Variants in NPEPPS observed in about 807,000 individuals in gnomAD.
NPEPPS encodes aminopeptidase puromycin sensitive.
NPEPPS carries 14 observed loss-of-function variants against 115.5 expected under a neutral mutation model. The observed-to-expected ratio is 0.12, with a 90% CI of 0.08 to 0.19. The LOEUF (loss-of-function observed/expected upper bound fraction) is 0.19, where lower values mean the gene tolerates loss of function less well. Ranked by LOEUF, NPEPPS falls within the 10% of genes least tolerant of loss-of-function variation. The probability of loss-of-function intolerance (pLI) is 1.00; values close to 1 mark genes in which losing one functional copy is unlikely to be tolerated. For missense variants in NPEPPS, 523 were observed against 1,110.8 expected (o/e 0.47, Z 7.52); for synonymous variants, 285 against 390.6 (o/e 0.73, Z 3.19).
chr17:47,584,376 T>C (rs892119133), intron 5 of NPEPPS, among the ~76,000 whole-genome samples: 5 of 152,210 alleles, frequency 3.3e-5, no homozygotes, highest in East Asian at 1.9e-4. Context: ...ACCAGTGTTA[T>C]TGATCTCATT....
intron 2 of NPEPPS, among the ~76,000 whole-genome samples, chr17:47,564,787 C>CTT (rs1438275361): frequency 6.6e-6 from 1 of 151,946 alleles, no homozygotes; most frequent in East Asian, 1.9e-4. Flanking sequence ...TTTGAACAAT[C>CTT]TAACAGTTCC....
chr17:47,544,806 G>A (rs2143708009), intron 1 of NPEPPS, among the ~76,000 whole-genome samples: 1 of 139,560 alleles, frequency 7.2e-6, no homozygotes, highest in South Asian at 2.3e-4. Flanking sequence ...CTCACCTCCT[G>A]GGTTCAAGTG....
At chr17:47,569,701 T>C (rs8082284) in intron 3 of NPEPPS, among the ~76,000 whole-genome samples, 68,037 of 150,788 alleles carry the variant, frequency 0.45, 16,258 homozygotes, top group East Asian at 0.56. Flanking sequence ...CACTACAACC[T>C]CCACCTTCCA....
intron 17 of NPEPPS, among the ~76,000 whole-genome samples, 182 bp from the exon 18 acceptor site, chr17:47,612,278 T>C (rs1264505881): frequency 6.6e-6 from 1 of 152,250 alleles, no homozygotes. Context: ...CTAGTCTGTT[T>C]AGCATATCAC....
At chr17:47,612,985 A>T (rs12943464) in intron 18 of NPEPPS, among the ~76,000 whole-genome samples, 69,332 of 151,786 alleles carry the variant, frequency 0.46, 16,707 homozygotes, top group South Asian at 0.56. Context: ...AGCCTGGAAC[A>T]TTTTTTAATA....
Position 47,567,694 on chromosome 17 carries a change from A to G in NPEPPS, c.341-1723A>G, listed in dbSNP as rs538288298. On this transcript the variant is annotated intron_variant, in intron 2 of 22. Coordinates refer to ENST00000322157, the MANE Select transcript of NPEPPS (RefSeq NM_006310.4). ...ACTCCAGAAAGAAAGTACCCTGCCT[A>G]TTTCCCCTCTATCACCTAGCCCCAG... Among the ~76,000 whole-genome samples, 20 of 152,054 alleles carry G rather than the reference A, an allele frequency of 1.3e-4. No individual in the cohort carries two copies. In the East Asian group the frequency reaches 2.9e-3, roughly 22 times the overall value.
intron 4 of NPEPPS, 45 bp downstream of exon 4, chr17:47,579,556 C>G: frequency 6.5e-7 from 1 of 1,536,072 alleles, no homozygotes; most frequent in Non-Finnish European, 8.8e-7. Context: ...TTAAATTAGG[C>G]ATTCTGACAA....
chr17:47,556,009 A>G (rs1384995495), intron 2 of NPEPPS, among the ~76,000 whole-genome samples: 2 of 129,434 alleles, frequency 1.5e-5, no homozygotes, highest in African/African-American at 5.9e-5. Context: ...TTTTTGAAAT[A>G]GAGTCTTGTG....
rs201468395 is a variant in NPEPPS at position 47,563,034 on chromosome 17, G to GTT, written c.341-6380_341-6379dup. 1.4e-4 allele frequency among the ~76,000 whole-genome samples: 20 copies of GTT among 143,956 alleles called. 1 individual carries two copies. Among genetic ancestry groups the GTT allele is most frequent in the Non-Finnish European group, 2.6e-4 (17 of 65,394 alleles). The allele number at this position is 143,956 out of a possible 152,430, so 94.4% of individuals were successfully genotyped here. ...GCCATGGTTTTTTTGTTGTTTGTTT[G>GTT]TTTTGTTTTTTTTTTGAGATGGAGT... On this transcript the variant is annotated intron_variant, in intron 2 of 22. Coordinates refer to ENST00000322157, the MANE Select transcript of NPEPPS (RefSeq NM_006310.4).
At chr17:47,618,062 G>A (rs529496234) in intron 19 of NPEPPS, among the ~76,000 whole-genome samples, 5 of 150,024 alleles carry the variant, frequency 3.3e-5, no homozygotes, top group Non-Finnish European at 5.9e-5. Context: ...TGTATTTTTA[G>A]TAGAAACAGG....
chr17:47,531,485 A>G lies in NPEPPS; in HGVS notation c.185A>G (p.Asn62Ser), dbSNP rs762187418. 5.6e-6 allele frequency: 9 copies of G among 1,608,278 alleles called. No homozygotes were observed. The highest frequency in any genetic ancestry group is 1.7e-5 in the Admixed American group (1 of 59,642). The change falls in exon 1 of 23, where the codon AAC (asparagine) becomes AGC (serine). Residue 62 changes from asparagine to serine, a missense_variant. By Grantham distance (46) the Asn-to-Ser change is conservative (BLOSUM62 1). Transcript: ENST00000322157. ...ERLPADVSPI[N>S]YSLCLKPDLL... ...CTGCCTGCCGATGTCTCCCCCATCA[A>G]CTACAGCCTTTGCCTCAAGCCCGAC...
At chr17:47,536,569 G>GTA (rs1567834208) in intron 1 of NPEPPS, among the ~76,000 whole-genome samples, 7 of 150,164 alleles carry the variant, frequency 4.7e-5, no homozygotes, top group Non-Finnish European at 7.4e-5. Context: ...AATTTTTTCT[G>GTA]TTTTTAGTAG....
intron 2 of NPEPPS, among the ~76,000 whole-genome samples, chr17:47,560,048 T>A (rs1235525961): frequency 6.6e-6 from 1 of 152,188 alleles, no homozygotes; most frequent in Non-Finnish European, 1.5e-5. Context: ...GCTTCCTCCT[T>A]ATGGAATTTC....
rs1238077996 is a variant in NPEPPS at position 47,605,561 on chromosome 17, T to C, written c.2095+9T>C. 1.3e-5 allele frequency: 19 copies of C among 1,513,090 alleles called. No individual in the cohort carries two copies. Among genetic ancestry groups the C allele is most frequent in the Non-Finnish European group, 1.7e-5 (19 of 1,103,474 alleles). 93.7% of individuals were successfully genotyped at this position (1,513,090 alleles called of 1,614,324 possible). On this transcript the variant is annotated intron_variant, in intron 17 of 22. Transcript: ENST00000322157. ...CCCCAAACCTGGAGAAGGTAATGGA[T>C]ATACTAAATGGAGAAAGAATTACGC...
intron 2 of NPEPPS, chr17:47,557,552 T>A (rs1171538914): frequency 6.7e-6 from 1 of 149,524 alleles, no homozygotes; most frequent in Non-Finnish European, 1.5e-5. Flanking sequence ...TTGAGATGGA[T>A]GTTTGGCTTA....
chr17:47,556,831 A>T (rs187567417), intron 2 of NPEPPS, among the ~76,000 whole-genome samples: 1 of 152,018 alleles, frequency 6.6e-6, no homozygotes, highest in Non-Finnish European at 1.5e-5. Context: ...TTTAGTAGAG[A>T]TGGGGTTTCC....
intron 20 of NPEPPS, 119 bp downstream of exon 20, chr17:47,618,576 G>C (rs1914353618): frequency 1.5e-6 from 1 of 669,922 alleles, no homozygotes; most frequent in Non-Finnish European, 2.6e-6. Context: ...TCCTTTTCCA[G>C]AGTAACTGGC....
intron 1 of NPEPPS, among the ~76,000 whole-genome samples, chr17:47,540,968 A>G (rs1219781828): frequency 6.6e-6 from 1 of 152,192 alleles, no homozygotes; most frequent in African/African-American, 2.4e-5. Context: ...TCCTGGAAAA[A>G]AAAAATTAGT....
chr17:47,597,220 G>C (rs1418396194), intron 13 of NPEPPS, among the ~76,000 whole-genome samples: 1 of 152,186 alleles, frequency 6.6e-6, no homozygotes, highest in Non-Finnish European at 1.5e-5. Flanking sequence ...ATGGCAGTGT[G>C]ATTTTAATTA....
Sources: allele counts gnomAD v4.1 joint callset (sites outside exome capture counted in the v4.1 genomes callset), GRCh38; gene constraint gnomAD v4.1.1; transcripts MANE v1.5; gene names NCBI Gene and HGNC (gene_info 2026-07-23, HGNC 2026-07-21).